Variants in MICAL3 observed in about 807,000 individuals in gnomAD.
MICAL3 encodes microtubule associated monooxygenase, calponin and LIM domain containing 3, also known as [F-actin]-monooxygenase MICAL3.
Under a neutral mutation model 207.4 loss-of-function variants are expected in MICAL3, and 62 were observed. The observed-to-expected ratio is 0.30, with a 90% CI of 0.24 to 0.37. MICAL3 has a LOEUF of 0.37. Among genes scored for constraint, MICAL3 ranks in the 10% least tolerant of loss-of-function variants. The pLI, the probability that MICAL3 is intolerant of heterozygous loss-of-function variation, is 1.00. For synonymous variants in MICAL3, 1,077 were observed against 1,069.3 expected (o/e 1.01, Z -0.14); for missense variants, 2,368 against 2,635.6 (o/e 0.90, Z 2.22).
chr22:17,905,581 G>A (rs1931654533), intron 2 of MICAL3, among the ~76,000 whole-genome samples: 1 of 152,190 alleles, frequency 6.6e-6, no homozygotes, highest in Admixed American at 6.5e-5. Flanking sequence ...TTTTGCTGAT[G>A]AATATCTACC....
chr22:17,988,401 C>G (rs1769801452), intron 1 of MICAL3, among the ~76,000 whole-genome samples: 1 of 151,014 alleles, frequency 6.6e-6, no homozygotes, highest in Non-Finnish European at 1.5e-5. Context: ...CACCACCACC[C>G]ACACGCCAGA....
chr22:17,884,928 T>C (rs1358299240), intron 16 of MICAL3, among the ~76,000 whole-genome samples: 4 of 152,218 alleles, frequency 2.6e-5, no homozygotes, highest in African/African-American at 4.8e-5. Flanking sequence ...ATAGGAAGAA[T>C]GGCTGATGGG....
At chr22:17,797,222 G>A (rs1472716704) in intron 29 of MICAL3, among the ~76,000 whole-genome samples, 3 of 152,262 alleles carry the variant, frequency 2.0e-5, no homozygotes, top group African/African-American at 4.8e-5. Context: ...CAGAAAGCTC[G>A]GAGGTACGGG....
intron 1 of MICAL3, among the ~76,000 whole-genome samples, chr22:18,003,566 C>T (rs1923183818): frequency 6.6e-6 from 1 of 152,198 alleles, no homozygotes; most frequent in Non-Finnish European, 1.5e-5. Flanking sequence ...TTCATCCACA[C>T]TACAAGCCAA....
At chr22:18,002,409 C>T (rs1430152833) in intron 1 of MICAL3, among the ~76,000 whole-genome samples, 2 of 151,796 alleles carry the variant, frequency 1.3e-5, no homozygotes, top group African/African-American at 4.8e-5. Flanking sequence ...CCGAGGCGAG[C>T]AGATCACAAG....
intron 1 of MICAL3, among the ~76,000 whole-genome samples, chr22:17,999,046 C>G (rs908062895): frequency 1.3e-5 from 2 of 152,208 alleles, no homozygotes; most frequent in Admixed American, 6.5e-5. Context: ...CCCAGCAAAG[C>G]TAGCACTCTG....
chr22:17,974,209 T>C (rs1317978748), intron 1 of MICAL3, among the ~76,000 whole-genome samples: 2 of 152,096 alleles, frequency 1.3e-5, no homozygotes, highest in Non-Finnish European at 1.5e-5. Flanking sequence ...GAAGACCAGC[T>C]CCACCACCCT....
chr22:17,846,716 G>A (rs1391407088), intron 19 of MICAL3, among the ~76,000 whole-genome samples: 1 of 152,208 alleles, frequency 6.6e-6, no homozygotes, highest in East Asian at 1.9e-4. Context: ...ATGCCTTAGT[G>A]CAACAACAGC....
At chr22:17,844,289 C>CG (rs1363254074) in intron 19 of MICAL3, among the ~76,000 whole-genome samples, 2 of 152,160 alleles carry the variant, frequency 1.3e-5, no homozygotes, top group African/African-American at 4.8e-5. Flanking sequence ...TTTTGGCATG[C>CG]CACATCATAC....
intron 27 of MICAL3, among the ~76,000 whole-genome samples, chr22:17,812,140 G>A (rs545389641): frequency 6.6e-6 from 1 of 152,320 alleles, no homozygotes; most frequent in South Asian, 2.1e-4. Flanking sequence ...ATGACAGAGG[G>A]TCCCCTGAAC....
At chr22:17,855,291 C>T (rs1246632097) in intron 19 of MICAL3, among the ~76,000 whole-genome samples, 1 of 152,212 alleles carries the variant, frequency 6.6e-6, no homozygotes, top group Non-Finnish European at 1.5e-5. Flanking sequence ...CTTCCCCTAT[C>T]CCTAACCCTA....
At chr22:17,895,254 C>T (rs769207055) in intron 10 of MICAL3, 30 bp downstream of exon 10, 1 of 1,610,648 alleles carries the variant, frequency 6.2e-7, no homozygotes, top group Non-Finnish European at 8.5e-7. Flanking sequence ...CAGATGGGCC[C>T]AGATGTAAAT....
At chr22:17,864,525 G>C (rs2146138751) in intron 19 of MICAL3, 1 of 1,434,542 alleles carries the variant, frequency 7.0e-7, no homozygotes, top group Non-Finnish European at 9.1e-7. Context: ...GCGGGTGATG[G>C]GAGCAGTGTC....
intron 22 of MICAL3, among the ~76,000 whole-genome samples, chr22:17,826,779 G>C (rs1042456041): frequency 7.2e-5 from 11 of 152,250 alleles, no homozygotes; most frequent in African/African-American, 2.7e-4. Flanking sequence ...TCACAGGCCA[G>C]CCCAGTGATG....
At chr22:18,020,558 T>C (rs1924397967) in intron 1 of MICAL3, among the ~76,000 whole-genome samples, 1 of 150,108 alleles carries the variant, frequency 6.7e-6, no homozygotes, top group Non-Finnish European at 1.5e-5. Context: ...TCAGTGTTTA[T>C]TTCATGGTGC....
At chr22:17,999,469 A>G (rs1175708588) in intron 1 of MICAL3, among the ~76,000 whole-genome samples, 3 of 152,216 alleles carry the variant, frequency 2.0e-5, no homozygotes, top group Non-Finnish European at 2.9e-5. Context: ...ACTGCATCCA[A>G]TATCATCATC....
intron 5 of MICAL3, among the ~76,000 whole-genome samples, chr22:17,901,287 CACCTGCTTATTAATATGTAG>C: frequency 6.6e-6 from 1 of 152,296 alleles, no homozygotes; most frequent in Admixed American, 6.5e-5. Flanking sequence ...GTGGGGGGAG[CACCTGCTTATTAATATGTAG>C]ATTAAGTCCT....
chr22:17,907,908 C>G (rs984425225), intron 1 of MICAL3, among the ~76,000 whole-genome samples: 4 of 152,180 alleles, frequency 2.6e-5, no homozygotes, highest in African/African-American at 9.7e-5. Flanking sequence ...TCGAATTGAA[C>G]AGCAGTAAAT....
chr22:17,791,250 A>G lies in MICAL3; in HGVS notation c.5702T>C (p.Val1901Ala). 6.2e-7 allele frequency: 1 copy of G among 1,613,898 alleles called. No individual in the cohort carries two copies. Residue 1901 changes from valine (V) to alanine (A), a missense_variant, in exon 30 of 32, where the codon GTG (valine) becomes GCG (alanine). Coordinates refer to ENST00000441493, the MANE Select transcript of MICAL3 (RefSeq NM_015241.3). ...GCGCACCATGGCGTTCTTCTCCTGCACTAGCTTGAACCACTCCTGCATCAG... is the reference window on the plus strand; with the variant it reads ...GCGCACCATGGCGTTCTTCTCCTGCGCTAGCTTGAACCACTCCTGCATCAG... ...PKLMQEWFKL[V>A]QEKNAMVRYE...
Sources: allele counts gnomAD v4.1 joint callset (sites outside exome capture counted in the v4.1 genomes callset), GRCh38; gene constraint gnomAD v4.1.1; transcripts MANE v1.5; gene names NCBI Gene and HGNC (gene_info 2026-07-23, HGNC 2026-07-21).